Variants in OCA2 observed in about 807,000 individuals in gnomAD.
OCA2 encodes P protein.
A neutral mutation model predicts 100.2 loss-of-function variants in OCA2; 77 were observed. The ratio of observed to expected loss-of-function variants is 0.77; its 90% CI spans 0.64 to 0.93. The LOEUF (loss-of-function observed/expected upper bound fraction) is 0.93. Ranked by LOEUF, OCA2 falls within the 40% of genes least tolerant of loss-of-function variation. The pLI, the probability that OCA2 is intolerant of heterozygous loss-of-function variation, is 0.00. For synonymous variants in OCA2, 432 were observed against 439.2 expected, an observed-to-expected ratio of 0.98 and a Z score of 0.21; for missense variants, 1,062 against 1,089.1, an observed-to-expected ratio of 0.98 and a Z score of 0.35.
At chr15:27,748,293 C>G in the OCA2 span, among the ~76,000 whole-genome samples, 1 of 152,138 alleles carries the variant, frequency 6.6e-6, no homozygotes, top group Non-Finnish European at 1.5e-5. Context: ...TGCTCATGGT[C>G]GGCACTGCTC....
intron 2 of OCA2, among the ~76,000 whole-genome samples, chr15:28,078,689 C>A (rs1320703810): frequency 6.6e-6 from 1 of 152,178 alleles, no homozygotes; most frequent in African/African-American, 2.4e-5. Context: ...TTGTCCCAGC[C>A]TGTGAAGACC....
At chr15:27,750,217 G>A (rs1003056099), downstream of OCA2, among the ~76,000 whole-genome samples, 7 of 152,116 alleles carry the variant, frequency 4.6e-5, no homozygotes, top group East Asian at 1.9e-4. Flanking sequence ...AGATACTAAC[G>A]CATCCTGGAT....
intron 16 of OCA2, among the ~76,000 whole-genome samples, chr15:27,956,075 C>T (rs185919837): frequency 5.9e-5 from 9 of 152,222 alleles, no homozygotes; most frequent in Middle Eastern, 3.4e-3. Flanking sequence ...GCAGGACGGG[C>T]GTGGTGACTC....
At chr15:27,887,839 T>TC (rs928440610) in intron 19 of OCA2, among the ~76,000 whole-genome samples, 3 of 149,260 alleles carry the variant, frequency 2.0e-5, no homozygotes, top group Admixed American at 2.0e-4. Context: ...GGGGAACATG[T>TC]CCCCCTGTCA....
intron 2 of OCA2, among the ~76,000 whole-genome samples, chr15:28,059,189 T>C (rs7171862): frequency 1.3e-5 from 2 of 152,010 alleles, no homozygotes; most frequent in East Asian, 1.9e-4. Flanking sequence ...AGCAGAAGAC[T>C]GAGAAGGTGA....
rs990110814 is a variant in OCA2, at chr15:28,067,850, A to G, written c.227+13798T>C. On this transcript the variant is annotated intron_variant, in intron 2 of 23. Coordinates refer to ENST00000354638, the MANE Select transcript of OCA2 (RefSeq NM_000275.3). Reference sequence around the variant, plus strand: ...GTTCTGCAGATGTCTATTAGGTCCAATTGGTCAAGTGTTGAGTTTAAGTCC... The same window carrying G: ...GTTCTGCAGATGTCTATTAGGTCCAGTTGGTCAAGTGTTGAGTTTAAGTCC... Among the ~76,000 whole-genome samples the G allele has an allele frequency of 3.9e-5, 6 of 152,222 alleles. No individual in the cohort carries two copies. In the East Asian group the frequency reaches 1.2e-3, roughly 29 times the overall value.
Position 27,872,045 on chromosome 15 carries a change from A to G in OCA2, c.2080-123T>C. 4.1e-6 allele frequency: 3 copies of G among 732,068 alleles called. No individual in the cohort carries two copies. In the South Asian group the frequency reaches 4.5e-5, roughly 11 times the overall value. 45.3% of individuals were successfully genotyped at this position (732,068 alleles called of 1,614,324 possible). Reference sequence around the variant, plus strand: ...GTAGGCCCAGATTCCTGCTTCTTATAAAAGATCAGACTCAAATACACAGTC... The same window carrying G: ...GTAGGCCCAGATTCCTGCTTCTTATGAAAGATCAGACTCAAATACACAGTC... On this transcript the variant is annotated intron_variant, in intron 19 of 23. Transcript: ENST00000354638.
chr15:28,070,318 G>A (rs2044200136), intron 2 of OCA2, among the ~76,000 whole-genome samples: 1 of 142,582 alleles, frequency 7.0e-6, no homozygotes, highest in Non-Finnish European at 1.5e-5. Context: ...GGTGGGGGGG[G>A]GTCAGCCCCC....
intron 23 of OCA2, among the ~76,000 whole-genome samples, chr15:27,817,212 A>T (rs2034336738): frequency 6.6e-6 from 1 of 152,160 alleles, no homozygotes; most frequent in African/African-American, 2.4e-5. Flanking sequence ...AAGGAAGTTA[A>T]ACCATCCCTA....
At chr15:27,969,791 A>G (rs983831356) in intron 14 of OCA2, among the ~76,000 whole-genome samples, 6 of 151,640 alleles carry the variant, frequency 4.0e-5, no homozygotes, top group African/African-American at 1.5e-4. Context: ...CACCAATATC[A>G]TTTTCTAGGA....
chr15:27,737,581 G>A, the OCA2 span, among the ~76,000 whole-genome samples: 4 of 152,094 alleles, frequency 2.6e-5, no homozygotes, highest in African/African-American at 4.8e-5. Context: ...CACACCATAC[G>A]TAAAAATAAT....
chr15:27,848,022 G>A (rs1025023692), intron 22 of OCA2, among the ~76,000 whole-genome samples: 42 of 152,206 alleles, frequency 2.8e-4, no homozygotes, highest in African/African-American at 9.6e-4. Flanking sequence ...TCCTCACCAC[G>A]CATCCAGACA....
At chr15:27,825,638 G>A (rs1456085183) in intron 23 of OCA2, among the ~76,000 whole-genome samples, 4 of 152,186 alleles carry the variant, frequency 2.6e-5, no homozygotes, top group African/African-American at 7.2e-5. Context: ...CAGGACAGAC[G>A]CCAACCAGGC....
At chr15:28,075,907 T>C (rs966031996) in intron 2 of OCA2, among the ~76,000 whole-genome samples, 3 of 152,234 alleles carry the variant, frequency 2.0e-5, no homozygotes, top group Non-Finnish European at 4.4e-5. Context: ...AAAGGAGTTT[T>C]TGTGGGGTGA....
intron 23 of OCA2, among the ~76,000 whole-genome samples, chr15:27,806,099 T>G (rs1044562045): frequency 6.6e-6 from 1 of 152,164 alleles, no homozygotes; most frequent in Non-Finnish European, 1.5e-5. Flanking sequence ...TGCCAGTGCC[T>G]GGCTAATGGC....
chr15:27,877,469 T>C (rs1325025342), intron 19 of OCA2, among the ~76,000 whole-genome samples: 3 of 152,004 alleles, frequency 2.0e-5, no homozygotes, highest in Admixed American at 1.3e-4. Flanking sequence ...TTTGTTTTAC[T>C]TTAGTGAATC....
intron 23 of OCA2, among the ~76,000 whole-genome samples, chr15:27,794,043 GAGA>G (rs1281653872): frequency 6.6e-6 from 1 of 152,176 alleles, no homozygotes; most frequent in Non-Finnish European, 1.5e-5. Context: ...ATTCTCTCTA[GAGA>G]AGATCTTTTC....
At chr15:27,723,132 C>T in the OCA2 span, among the ~76,000 whole-genome samples, 1,669 of 152,142 alleles carry the variant, frequency 0.011, 42 homozygotes, top group African/African-American at 0.038. Context: ...CATAAGCCAC[C>T]GCGCCTGGCC....
At chr15:28,050,650 G>C (rs764476786) in intron 2 of OCA2, among the ~76,000 whole-genome samples, 3 of 151,888 alleles carry the variant, frequency 2.0e-5, no homozygotes, top group Non-Finnish European at 4.4e-5. Flanking sequence ...CTTCATCTAG[G>C]AGACAGACAT....
Sources: allele counts gnomAD v4.1 joint callset (sites outside exome capture counted in the v4.1 genomes callset), GRCh38; gene constraint gnomAD v4.1.1; transcripts MANE v1.5; gene names NCBI Gene and HGNC (gene_info 2026-07-23, HGNC 2026-07-21).